The following MACROD2 variants were observed in gnomAD, a reference collection of about 807,000 sequenced individuals.
The protein encoded by MACROD2 is ADP-ribose glycohydrolase MACROD2.
Under a neutral mutation model 70.4 loss-of-function variants are expected in MACROD2, and 36 were observed. That is an observed-to-expected ratio of 0.51 (90% CI 0.39 to 0.68). The LOEUF (loss-of-function observed/expected upper bound fraction) is 0.68. Among genes scored for constraint, MACROD2 ranks in the 30% least tolerant of loss-of-function variants. The probability of loss-of-function intolerance (pLI) is 0.00; values close to 1 mark genes in which losing one functional copy is unlikely to be tolerated. For missense variants in MACROD2, 496 were observed against 538.4 expected (o/e 0.92, Z 0.78); for synonymous variants, 172 against 178.8 (o/e 0.96, Z 0.30).
chr20:15,738,710 G>A lies in MACROD2; in HGVS notation c.646-124035G>A, dbSNP rs895999240. 2.0e-5 allele frequency among the ~76,000 whole-genome samples: 3 copies of A among 152,254 alleles called. No individual in the cohort carries two copies. In the East Asian group the frequency reaches 5.8e-4, roughly 29 times the overall value. ...GAAGATGGATAAGGTGTAGTTGGGA[G>A]CATACAGAATCCCAGAAGTTGAGGC... On this transcript the variant is annotated intron_variant, in intron 8 of 17. Transcript: ENST00000684519.
At chr20:14,511,164 A>G (rs1256510687) in intron 4 of MACROD2, among the ~76,000 whole-genome samples, 2 of 152,122 alleles carry the variant, frequency 1.3e-5, no homozygotes, top group East Asian at 3.8e-4. Flanking sequence ...AAGTCTGGAT[A>G]GTGATGAAGA....
chr20:14,725,855 A>G (rs568306092), intron 5 of MACROD2, among the ~76,000 whole-genome samples: 4 of 152,240 alleles, frequency 2.6e-5, no homozygotes, highest in Non-Finnish European at 4.4e-5. Flanking sequence ...GGGCTGCTCT[A>G]TATGGGCCAA....
intron 8 of MACROD2, among the ~76,000 whole-genome samples, chr20:15,635,572 A>G (rs950926086): frequency 1.3e-5 from 2 of 150,690 alleles, no homozygotes; most frequent in African/African-American, 4.9e-5. Context: ...AACAATAGAC[A>G]TTGAGGCTAC....
chr20:14,818,092 C>A (rs73897212), intron 5 of MACROD2, among the ~76,000 whole-genome samples: 3 of 152,066 alleles, frequency 2.0e-5, no homozygotes, highest in Non-Finnish European at 4.4e-5. Context: ...AGGATCATTT[C>A]GTAGTTGTGT....
chr20:15,622,438 G>T (rs947806630), intron 8 of MACROD2, among the ~76,000 whole-genome samples: 1 of 152,176 alleles, frequency 6.6e-6, no homozygotes, highest in Admixed American at 6.5e-5. Context: ...GAGCCATGGT[G>T]AGGTAAAATA....
At chr20:15,264,288 G>A (rs971961459) in intron 6 of MACROD2, among the ~76,000 whole-genome samples, 16 of 152,162 alleles carry the variant, frequency 1.1e-4, no homozygotes, top group African/African-American at 3.6e-4. Context: ...GCAGATATTT[G>A]ACAGTTCTTA....
intron 6 of MACROD2, among the ~76,000 whole-genome samples, chr20:15,285,031 A>G (rs1475311171): frequency 1.3e-5 from 2 of 152,020 alleles, no homozygotes; most frequent in East Asian, 1.9e-4. Context: ...CATTTCTTCT[A>G]TTTTTATGAC....
In MACROD2 at chr20:14,855,597, G is replaced by GTTTTT. The variant is rs71190156; in HGVS notation, c.418+170664_418+170668dup. On this transcript the variant is annotated intron_variant, in intron 5 of 17. Coordinates refer to ENST00000684519, the MANE Select transcript of MACROD2 (RefSeq NM_001351661.2). ...TTCAGAATTTTAGTGATCCTACCAA[G>GTTTTT]TTTTTTTTTTTTTTTTTTTTTTTTT... 1.0e-3 allele frequency among the ~76,000 whole-genome samples: 77 copies of GTTTTT among 77,232 alleles called. 6 individuals are homozygous for GTTTTT. The highest frequency in any genetic ancestry group is 1.2e-3 in the South Asian group (2 of 1,714). 50.7% of individuals were successfully genotyped at this position (77,232 alleles called of 152,430 possible). A position where few individuals can be genotyped will look rare whatever the true frequency, so the allele number is the denominator to read the frequency against.
rs538203303 is a variant in MACROD2, at chr20:16,013,868, C to T, written c.1153+26710C>T. 8.5e-4 allele frequency among the ~76,000 whole-genome samples: 129 copies of T among 152,286 alleles called. 4 individuals carry two copies. In the South Asian group the frequency reaches 0.024, roughly 29 times the overall value. On this transcript the variant is annotated intron_variant, in intron 15 of 17. Transcript: ENST00000684519. Reference sequence around the variant, plus strand: ...ATGGTTTTGGTCTATGTGCCAGGTGCCTTTAGGTGTTCTGAGAATATCTGT... The same window carrying T: ...ATGGTTTTGGTCTATGTGCCAGGTGTCTTTAGGTGTTCTGAGAATATCTGT...
chr20:15,275,132 C>T (rs1038138001), intron 6 of MACROD2, among the ~76,000 whole-genome samples: 2 of 152,164 alleles, frequency 1.3e-5, no homozygotes, highest in African/African-American at 4.8e-5. Flanking sequence ...TATGCCCAGA[C>T]CCACTCCTAG....
intron 5 of MACROD2, among the ~76,000 whole-genome samples, chr20:15,115,668 A>G (rs1397200164): frequency 6.6e-6 from 1 of 152,216 alleles, no homozygotes; most frequent in Admixed American, 6.5e-5. Flanking sequence ...GAAATGATAC[A>G]TGAAAATTGT....
chr20:14,868,640 A>G (rs901954414), intron 5 of MACROD2, among the ~76,000 whole-genome samples: 2 of 152,076 alleles, frequency 1.3e-5, no homozygotes, highest in Non-Finnish European at 2.9e-5. Flanking sequence ...CCTTTTCCCA[A>G]ATGCAAATGT....
rs544444087 is a variant in MACROD2, at chr20:14,273,742, C to CGCTA, written c.271+188017_271+188020dup. Reference sequence around the variant, plus strand: ...GAAAGGATCAACACAATTGATAGACCGCTAGCAAGACTCATAAAGAAGAAA... The same window carrying CGCTA: ...GAAAGGATCAACACAATTGATAGACCGCTAGCTAGCAAGACTCATAAAGAAGAAA... On this transcript the variant is annotated intron_variant, in intron 3 of 17. Coordinates refer to ENST00000684519, the MANE Select transcript of MACROD2 (RefSeq NM_001351661.2). 7.3e-4 allele frequency among the ~76,000 whole-genome samples: 111 copies of CGCTA among 152,020 alleles called. 4 individuals are homozygous for CGCTA. The East Asian group carries it at 0.02, about 28-fold the overall frequency.
At chr20:15,447,656 G>A (rs2046586916) in intron 7 of MACROD2, among the ~76,000 whole-genome samples, 1 of 152,156 alleles carries the variant, frequency 6.6e-6, no homozygotes, top group South Asian at 2.1e-4. Context: ...TGCCATGCTG[G>A]ACAAACTGAC....
chr20:15,702,331 T>G (rs1194569482), intron 8 of MACROD2, among the ~76,000 whole-genome samples: 1 of 152,180 alleles, frequency 6.6e-6, no homozygotes, highest in South Asian at 2.1e-4. Flanking sequence ...GCACTTGTTA[T>G]TTTTTTAAGT....
intron 3 of MACROD2, among the ~76,000 whole-genome samples, chr20:14,460,894 T>G (rs1423777904): frequency 6.6e-6 from 1 of 152,070 alleles, no homozygotes; most frequent in Admixed American, 6.6e-5. Context: ...GTCATTGTTG[T>G]GTCTCTGCCA....
chr20:14,894,655 AT>A (rs556081691), intron 5 of MACROD2: 11 of 152,298 alleles, frequency 7.2e-5, no homozygotes, highest in African/African-American at 2.6e-4. Context: ...TGCATTTAAT[AT>A]TATTTTTCCC....
intron 3 of MACROD2, among the ~76,000 whole-genome samples, chr20:14,230,859 A>C (rs868346549): frequency 9.9e-5 from 15 of 151,442 alleles, no homozygotes; most frequent in African/African-American, 3.6e-4. Context: ...TGAAAGTTGA[A>C]ATTAGTCCTT....
chr20:14,178,726 CTTTTTTTTTTT>C (rs79773305), intron 3 of MACROD2, among the ~76,000 whole-genome samples: 78 of 102,984 alleles, frequency 7.6e-4, no homozygotes, highest in African/African-American at 2.8e-3. Flanking sequence ...GCCAAGTCAG[CTTTTTTTTTTT>C]TTTTTTTTTT....
Sources: allele counts gnomAD v4.1 joint callset (sites outside exome capture counted in the v4.1 genomes callset), GRCh38; gene constraint gnomAD v4.1.1; transcripts MANE v1.5; gene names NCBI Gene and HGNC (gene_info 2026-07-23, HGNC 2026-07-21).